Variants in CCDC157 observed in about 807,000 individuals in gnomAD.
The protein encoded by CCDC157 is coiled-coil domain containing 157.
CCDC157 carries 60 observed loss-of-function variants against 70.9 expected under a neutral mutation model. That is an observed-to-expected ratio of 0.85 (90% CI 0.69 to 1.05). CCDC157 has a LOEUF of 1.05. CCDC157 is among the 50% of genes least tolerant of loss of function. The pLI, the probability that CCDC157 is intolerant of heterozygous loss-of-function variation, is 0.00. For synonymous variants in CCDC157, 373 were observed against 422.4 expected, an observed-to-expected ratio of 0.88 and a Z score of 1.43; for missense variants, 943 against 984.2, an observed-to-expected ratio of 0.96 and a Z score of 0.56.
At chr22:30,373,323 G>T (rs1295485767) in intron 7 of CCDC157, 7 of 477,094 alleles carry the variant, frequency 1.5e-5, no homozygotes, top group African/African-American at 5.9e-5. Context: ...AGGAAGTGGG[G>T]GTGAGACCCC....
At chr22:30,374,396 A>T (rs772803220) in intron 9 of CCDC157, 1 of 569,608 alleles carries the variant, frequency 1.8e-6, no homozygotes, top group Non-Finnish European at 3.3e-6. Context: ...GTCACATGCT[A>T]ATTCTTGCTC....
At chr22:30,371,285 C>T in intron 5 of CCDC157, 1 of 485,862 alleles carries the variant, frequency 2.1e-6, no homozygotes, top group East Asian at 3.5e-5. Flanking sequence ...GCACTTCCAG[C>T]CAAGCAGAGC....
rs1933453699 is a variant in CCDC157, at chr22:30,378,219, AC to A, written c.*1476del. On this transcript the variant is annotated 3_prime_UTR_variant, in exon 12 of 12. Transcript: ENST00000338306. ...CAAATCCCTGACTTCCTCCTCTTCT[AC>A]CAGCAGAAAACTACTTTGAATAGGC... 1 of 468,568 alleles carries A rather than the reference AC, an allele frequency of 2.1e-6. No homozygotes were observed. The highest frequency in any genetic ancestry group is 2.0e-5 in the African/African-American group (1 of 50,034). 29.0% of individuals were successfully genotyped at this position (468,568 alleles called of 1,614,324 possible).
At chr22:30,375,930 G>C (rs888730232) in intron 10 of CCDC157, 5 of 545,780 alleles carry the variant, frequency 9.2e-6, no homozygotes, top group Admixed American at 3.6e-5. Flanking sequence ...GCTCATGCCT[G>C]TAATCCCAAC....
intron 5 of CCDC157, chr22:30,371,396 G>C: frequency 1.8e-6 from 1 of 548,486 alleles, no homozygotes; most frequent in Non-Finnish European, 3.3e-6. Flanking sequence ...TGCCCTTTCT[G>C]AGCCTCATCA....
chr22:30,372,205 C>G lies in CCDC157; in HGVS notation c.1254C>G (p.Gly418=). Residue 418 remains glycine (G), a synonymous_variant, in exon 7 of 12, where the codon GGC becomes GGG. Coordinates refer to ENST00000338306, the MANE Select transcript of CCDC157 (RefSeq NM_001017437.5). ...AGCTGTTGGTGGGTCGGCTGGAGGG[C>G]GCTGGCCAGCAGGTCTGCTGGGCCA... ...QVQLLVGRLE[G]AGQQVCWAST... 1 of 1,593,054 alleles carries G rather than the reference C, an allele frequency of 6.3e-7. No homozygotes were observed.
chr22:30,374,094 AG>A lies in CCDC157; in HGVS notation c.1672+7del, dbSNP rs1250204120. 6.3e-7 allele frequency: 1 copy of A among 1,590,876 alleles called. No homozygotes were observed. The stretch of plus-strand genomic sequence containing the variant: ...GCCCACCGAGACCCAGATCCATGGT[AG>A]GGGACTGGGGATGGTGCCAAGGGCA... On this transcript the variant is annotated splice_donor_region_variant and intron_variant, in intron 9 of 11. Transcript: ENST00000338306.
At position 30,376,611 on chromosome 22, in the gene CCDC157, T is replaced by A; in HGVS notation, c.2125T>A (p.Leu709Met). The A allele has an allele frequency of 6.2e-7, 1 of 1,613,360 alleles. No individual in the cohort carries two copies. Among genetic ancestry groups the A allele is most frequent in the Non-Finnish European group, 8.5e-7 (1 of 1,179,912 alleles). The change falls in exon 12 of 12, where the codon TTG (leucine) becomes ATG (methionine). Residue 709 changes from leucine (L) to methionine (M), a missense_variant. By Grantham distance (15) the Leu-to-Met change is conservative (BLOSUM62 2). Coordinates refer to ENST00000338306, the MANE Select transcript of CCDC157 (RefSeq NM_001017437.5). ...GCCCTGCAGCCAGCCCAGCAAGTCC[T>A]TGCTGGAGGGTGTGACCCACTTGGA... Reference protein sequence around the residue: ...RQPCSQPSKSLLEGVTHLDTC... With the variant: ...RQPCSQPSKSMLEGVTHLDTC...
chr22:30,371,789 C>T, intron 6 of CCDC157, 62 bp downstream of exon 6: 2 of 1,397,696 alleles, frequency 1.4e-6, no homozygotes, highest in Admixed American at 3.4e-5. Context: ...GCTGGATGAG[C>T]ATCGTCCATC....
At chr22:30,364,653 AT>A (rs934256588) in intron 2 of CCDC157, among the ~76,000 whole-genome samples, 13 of 152,084 alleles carry the variant, frequency 8.5e-5, no homozygotes, top group Non-Finnish European at 1.6e-4. Flanking sequence ...AACTGCAAAA[AT>A]TAGCCAGGCG....
At position 30,357,046 on chromosome 22, in the gene CCDC157, TCGGGGATCCCGGTGGCCGCAGGCGCAC is replaced by T. The variant is rs969594487; in HGVS notation, c.-246_-220del. 12 of 371,132 alleles carry T rather than the reference TCGGGGATCCCGGTGGCCGCAGGCGCAC, an allele frequency of 3.2e-5. No homozygotes were observed. The highest frequency in any genetic ancestry group is 1.5e-4 in the African/African-American group (7 of 47,858). 23.0% of individuals were successfully genotyped at this position (371,132 alleles called of 1,614,324 possible). ...GGCCTGAGCGCCCGGCTAGGGCTTTTCGGGGATCCCGGTGGCCGCAGGCGCACCGGGGGCAGTTCCGGGAGCCGACCA... is the reference window on the plus strand; with the variant it reads ...GGCCTGAGCGCCCGGCTAGGGCTTTTCGGGGGCAGTTCCGGGAGCCGACCA... On this transcript the variant is annotated 5_prime_UTR_variant, in exon 1 of 12. Coordinates refer to ENST00000338306, the MANE Select transcript of CCDC157 (RefSeq NM_001017437.5).
intron 10 of CCDC157, chr22:30,375,959 G>A (rs1004366470): frequency 1.5e-5 from 8 of 534,842 alleles, no homozygotes; most frequent in African/African-American, 3.8e-5. Context: ...AGGCTGAGGC[G>A]GGCAGATCAC....
chr22:30,371,980 G>C (rs1430798541), intron 6 of CCDC157, 95 bp from the exon 7 acceptor site: 22 of 896,888 alleles, frequency 2.5e-5, no homozygotes, highest in Non-Finnish European at 3.7e-5. Context: ...TGAGGACTCT[G>C]AGGCCCAGAG....
chr22:30,367,877 C>T (rs1240999921), intron 3 of CCDC157, among the ~76,000 whole-genome samples: 1 of 152,118 alleles, frequency 6.6e-6, no homozygotes, highest in Non-Finnish European at 1.5e-5. Flanking sequence ...AGGGTGAAAC[C>T]CCGTCTCTAC....
chr22:30,371,544 C>T (rs1238584976), intron 5 of CCDC157, 106 bp from the exon 6 acceptor site: 5 of 952,302 alleles, frequency 5.3e-6, no homozygotes, highest in South Asian at 1.3e-5. Context: ...CAGGCGGCCC[C>T]TCTGCAGGCG....
In CCDC157 at chr22:30,366,076, G is replaced by A. The variant is rs573189517; in HGVS notation, c.76G>A (p.Val26Ile). 28 of 1,610,192 alleles carry A rather than the reference G, an allele frequency of 1.7e-5. No individual in the cohort carries two copies. The highest frequency in any genetic ancestry group is 1.6e-4 in the Middle Eastern group (1 of 6,062). ...TDLTDLQGAI[V>I]DVFSRAGPVR... ...CCTCACCGACCTGCAGGGTGCCATC[G>A]TAGACGTCTTCTCCCGCGCCGGGCC... is the stretch of plus-strand genomic sequence containing the variant. The change falls in exon 3 of 12, where the codon GTA becomes ATA. Residue 26 changes from valine (V) to isoleucine (I), a missense_variant. Physicochemically the swap from Val to Ile is conservative, Grantham distance 29 (BLOSUM62 3). Coordinates refer to ENST00000338306, the MANE Select transcript of CCDC157 (RefSeq NM_001017437.5).
intron 2 of CCDC157, among the ~76,000 whole-genome samples, chr22:30,363,134 A>C (rs913749115): frequency 6.6e-6 from 1 of 152,196 alleles, no homozygotes; most frequent in East Asian, 1.9e-4. Flanking sequence ...ACCAGCTGCC[A>C]GCTCACACCC....
At chr22:30,363,707 A>G (rs1601719744) in intron 2 of CCDC157, among the ~76,000 whole-genome samples, 1 of 140,052 alleles carries the variant, frequency 7.1e-6, no homozygotes, top group Non-Finnish European at 1.5e-5. Context: ...TTTTTTTTTT[A>G]AGACAGAGTC....
chr22:30,374,996 G>A (rs1933246266), intron 9 of CCDC157: 2 of 305,724 alleles, frequency 6.5e-6, no homozygotes, highest in African/African-American at 5.6e-5. Context: ...GTCTCACTCT[G>A]TTGCCAGGCT....
Sources: gnomAD v4.1 joint callset for allele counts (sites outside exome capture counted in the v4.1 genomes callset) on GRCh38, gnomAD v4.1.1 for gene constraint, MANE v1.5 for transcripts, NCBI Gene and HGNC (gene_info 2026-07-23, HGNC 2026-07-21) for gene names.